The following AGAP1 variants were observed in gnomAD, a reference collection of about 807,000 sequenced individuals.
AGAP1 encodes ArfGAP with GTPase domain, ankyrin repeat and PH domain 1.
Under a neutral mutation model 105.3 loss-of-function variants are expected in AGAP1, and 29 were observed. The ratio of observed to expected loss-of-function variants is 0.28; its 90% CI spans 0.21 to 0.38. The LOEUF (loss-of-function observed/expected upper bound fraction) is 0.38, where lower values mean the gene tolerates loss of function less well. Among genes scored for constraint, AGAP1 ranks in the 10% least tolerant of loss-of-function variants. The probability of loss-of-function intolerance (pLI) is 1.00; values close to 1 mark genes in which losing one functional copy is unlikely to be tolerated. For missense variants in AGAP1, 998 were observed against 1,165.1 expected (o/e 0.86, Z 2.09); for synonymous variants, 509 against 485.9 (o/e 1.05, Z -0.63).
At position 235,764,030 on chromosome 2, in the gene AGAP1, T is replaced by TGACCCTTGCGTGGCTG. The variant is rs552845949; in HGVS notation, c.673+13542_673+13543insGACCCTTGCGTGGCTG. On this transcript the variant is annotated intron_variant, in intron 6 of 17. Coordinates refer to ENST00000304032, the MANE Select transcript of AGAP1 (RefSeq NM_001037131.3). The stretch of plus-strand genomic sequence containing the variant: ...GCGTGGCTGTGACCCGTGCGTGGCT[T>TGACCCTTGCGTGGCTG]TGGCCCGTGCGTGGCTCCGGCCCGT... 3.9e-3 allele frequency among the ~76,000 whole-genome samples: 551 copies of TGACCCTTGCGTGGCTG among 140,912 alleles called. 2 individuals are homozygous for TGACCCTTGCGTGGCTG. The highest frequency in any genetic ancestry group is 0.017 in the African/African-American group (532 of 31,594). The allele number at this position is 140,912 out of a possible 152,430, so 92.4% of individuals were successfully genotyped here.
At position 235,869,161 on chromosome 2, in the gene AGAP1, G is replaced by A. The variant is rs973747945; in HGVS notation, c.1051-14184G>A. Among the ~76,000 whole-genome samples, 11 of 152,210 alleles carry A rather than the reference G, an allele frequency of 7.2e-5. No homozygotes were observed. In the South Asian group the frequency reaches 8.3e-4, roughly 12 times the overall value. ...GGTGGGTGAAATGGTTTGCAGGGAGGCAGCATAGCAGCGGGGTAACAAGTA... is the reference window on the plus strand; with the variant it reads ...GGTGGGTGAAATGGTTTGCAGGGAGACAGCATAGCAGCGGGGTAACAAGTA... On this transcript the variant is annotated intron_variant, in intron 9 of 17. Coordinates refer to ENST00000304032, the MANE Select transcript of AGAP1 (RefSeq NM_001037131.3).
rs1189467398 is a variant in AGAP1, at chr2:235,620,029, G to A, written c.164-89150G>A. On this transcript the variant is annotated intron_variant, in intron 1 of 17. Coordinates refer to ENST00000304032, the MANE Select transcript of AGAP1 (RefSeq NM_001037131.3). This position sits in a 1 kb window ranked among gnomAD's most constrained non-coding sequence, Gnocchi z 4.5. ...TCTCTGTAGCTGCCTGTGCCTCCAG[G>A]TGTGGTGCTGCCTTCCTGGGCCTCT... is the stretch of plus-strand genomic sequence containing the variant. Among the ~76,000 whole-genome samples, 1 of 152,182 alleles carries A rather than the reference G, an allele frequency of 6.6e-6. No homozygotes were observed. The highest frequency in any genetic ancestry group is 1.9e-4 in the East Asian group (1 of 5,176).
chr2:235,697,480 G>T (rs1950050383), intron 1 of AGAP1, among the ~76,000 whole-genome samples: 1 of 152,190 alleles, frequency 6.6e-6, no homozygotes, highest in African/African-American at 2.4e-5. Context: ...CATGGCAGGG[G>T]GGACCAATAC....
intron 10 of AGAP1, among the ~76,000 whole-genome samples, chr2:235,896,421 A>G (rs968483387): frequency 1.3e-5 from 2 of 152,190 alleles, no homozygotes; most frequent in African/African-American, 4.8e-5. Context: ...AACTCTTCAG[A>G]GCTTGGGTTT....
rs145889106 is a variant in AGAP1, at chr2:236,096,016, CTTT to C, written c.2115-24175_2115-24173del. On this transcript the variant is annotated intron_variant, in intron 16 of 17. Transcript: ENST00000304032. The surrounding 1 kb of genome is among the most constrained non-coding windows in gnomAD (Gnocchi z 4.4). ...TTTCCCCAGCTTCTGTGCCATGCTT[CTTT>C]ATTGTTTTGGGTACTTGGAAATCCA... Among the ~76,000 whole-genome samples the C allele has an allele frequency of 5.8e-3, 876 of 152,332 alleles. 6 individuals carry two copies. Among genetic ancestry groups the C allele is most frequent in the Non-Finnish European group, 8.6e-3 (586 of 68,024 alleles).
rs1308032773 is a variant in AGAP1, at chr2:235,883,159, T to G, written c.1051-186T>G. Among the ~76,000 whole-genome samples, 1 of 152,072 alleles carries G rather than the reference T, an allele frequency of 6.6e-6. No homozygotes were observed. The highest frequency in any genetic ancestry group is 1.5e-5 in the Non-Finnish European group (1 of 68,024). ...GCAGTTAATTATCCAAAAGATCTAG[T>G]GTAGCACGTCTCAATGTGTTTGTGT... On this transcript the variant is annotated intron_variant, in intron 9 of 17. Transcript: ENST00000304032. This position sits in a 1 kb window ranked among gnomAD's most constrained non-coding sequence, Gnocchi z 4.5.
chr2:235,761,564 C>T (rs1954440706), intron 6 of AGAP1, among the ~76,000 whole-genome samples: 1 of 152,192 alleles, frequency 6.6e-6, no homozygotes, highest in South Asian at 2.1e-4. Context: ...CGTGATGTAT[C>T]ATTAATGCAT....
At chr2:235,798,015 A>T in intron 7 of AGAP1, 129 bp downstream of exon 7, 1 of 1,191,686 alleles carries the variant, frequency 8.4e-7, no homozygotes, top group Non-Finnish European at 1.2e-6. Flanking sequence ...GTTGTAATTG[A>T]CTTCACATTT....
At chr2:235,779,325 A>T (rs1312204134) in intron 6 of AGAP1, among the ~76,000 whole-genome samples, 2 of 151,760 alleles carry the variant, frequency 1.3e-5, no homozygotes, top group Non-Finnish European at 2.9e-5. Context: ...TGCTTTTAAG[A>T]CTGTGTTGGG....
chr2:235,869,641 A>C (rs2049345748), intron 9 of AGAP1, among the ~76,000 whole-genome samples: 1 of 152,116 alleles, frequency 6.6e-6, no homozygotes, highest in Admixed American at 6.5e-5. Flanking sequence ...GTTTATCATG[A>C]TTCTGTGGGT....
chr2:235,858,018 G>A lies in AGAP1; in HGVS notation c.1051-25327G>A, dbSNP rs551802374. On this transcript the variant is annotated intron_variant, in intron 9 of 17. Coordinates refer to ENST00000304032, the MANE Select transcript of AGAP1 (RefSeq NM_001037131.3). ...GAGAGTTTATGAGATACACCATGAC[G>A]GTACAGCATTTAATTTAGTATCACC... Among the ~76,000 whole-genome samples the A allele has an allele frequency of 7.7e-4, 117 of 152,156 alleles. 1 individual carries two copies. The highest frequency in any genetic ancestry group is 7.8e-4 in the Non-Finnish European group (53 of 68,006).
chr2:236,084,721 G>C (rs377433598), intron 16 of AGAP1, among the ~76,000 whole-genome samples: 3 of 150,316 alleles, frequency 2.0e-5, no homozygotes, highest in Non-Finnish European at 4.4e-5. Context: ...TGGCCAACAT[G>C]GTGAAACCAC....
intron 6 of AGAP1, among the ~76,000 whole-genome samples, chr2:235,775,157 C>T (rs754201977): frequency 6.6e-6 from 1 of 152,190 alleles, no homozygotes; most frequent in Non-Finnish European, 1.5e-5. Flanking sequence ...ACAGAGCCCA[C>T]AGGTCCTGCA....
At chr2:235,831,816 G>T (rs1446800749) in intron 9 of AGAP1, among the ~76,000 whole-genome samples, 1 of 152,212 alleles carries the variant, frequency 6.6e-6, no homozygotes, top group African/African-American at 2.4e-5. Flanking sequence ...CAGCTCATTT[G>T]TGTAAATACC....
At chr2:235,847,835 C>T (rs1961682446) in intron 9 of AGAP1, among the ~76,000 whole-genome samples, 1 of 152,172 alleles carries the variant, frequency 6.6e-6, no homozygotes, top group Non-Finnish European at 1.5e-5. Context: ...ATGGCAGAAT[C>T]CCCAGGAAGT....
intron 1 of AGAP1, among the ~76,000 whole-genome samples, chr2:235,695,242 A>T (rs1949941892): frequency 6.6e-6 from 1 of 152,298 alleles, no homozygotes; most frequent in Admixed American, 6.5e-5. Context: ...TTCACTCCAT[A>T]ATAGCTCTTA....
intron 16 of AGAP1, among the ~76,000 whole-genome samples, chr2:236,097,228 T>A (rs2059212183): frequency 6.6e-6 from 1 of 152,064 alleles, no homozygotes. Context: ...AATTTTAAGT[T>A]CTTTGGCTAT....
intron 10 of AGAP1, among the ~76,000 whole-genome samples, chr2:235,902,409 C>T (rs749738404): frequency 1.3e-4 from 20 of 152,154 alleles, no homozygotes; most frequent in South Asian, 4.1e-4. Flanking sequence ...TGATCTTTTA[C>T]GTGTGTTTTA....
At position 236,053,291 on chromosome 2, in the gene AGAP1, C is replaced by T. The variant is rs1254806330; in HGVS notation, c.2114+4010C>T. ...GATTGAACGAGTAAATGAGTGAAAGCGGGAACTCGTCATCATGGAACACAT... is the reference window on the plus strand; with the variant it reads ...GATTGAACGAGTAAATGAGTGAAAGTGGGAACTCGTCATCATGGAACACAT... On this transcript the variant is annotated intron_variant, in intron 16 of 17. Transcript: ENST00000304032. This position sits in a 1 kb window ranked among gnomAD's most constrained non-coding sequence, Gnocchi z 4.6. Among the ~76,000 whole-genome samples the T allele has an allele frequency of 2.6e-5, 4 of 152,186 alleles. No homozygotes were observed. The highest frequency in any genetic ancestry group is 5.9e-5 in the Non-Finnish European group (4 of 68,036).
Sources: gnomAD v4.1 joint callset for allele counts (sites outside exome capture counted in the v4.1 genomes callset) on GRCh38, gnomAD v4.1.1 for gene constraint, Gnocchi (gnomAD v3.1) non-coding constraint, MANE v1.5 for transcripts, NCBI Gene and HGNC (gene_info 2026-07-23, HGNC 2026-07-21) for gene names.